Variants in INCA1 observed in about 807,000 individuals in gnomAD.
The protein encoded by INCA1 is inhibitor of CDK, cyclin A1 interacting protein 1, also known as protein INCA1.
INCA1 carries 28 observed loss-of-function variants against 25.7 expected under a neutral mutation model. That is an observed-to-expected ratio of 1.09 (90% CI 0.81 to 1.49). INCA1 has a LOEUF of 1.49. Among genes scored for constraint, INCA1 ranks in the 40% most tolerant of loss-of-function variants. INCA1 has a pLI of 0.00. For missense variants in INCA1, 309 were observed against 290.9 expected (o/e 1.06, Z -0.45); for synonymous variants, 111 against 103.6 (o/e 1.07, Z -0.43).
Position 4,988,435 on chromosome 17 carries a change from C to T in INCA1, c.681G>A (p.Trp227Ter). The T allele has an allele frequency of 6.2e-7, 1 of 1,612,402 alleles. No homozygotes were observed. The highest frequency in any genetic ancestry group is 8.5e-7 in the Non-Finnish European group (1 of 1,179,334). Residue 227 changes from tryptophan to a stop codon, truncating the protein, a stop_gained, in exon 7 of 7, where the codon TGG (tryptophan) becomes TGA (stop). Coordinates refer to ENST00000576820, the Ensembl canonical transcript of INCA1. LOFTEE classifies it high-confidence loss of function. ...CTTCAGACGCTGCCAACTCCATCCCCCAGGGATTGTGAAGGGGGTTCCTTC... is the reference window on the plus strand; with the variant it reads ...CTTCAGACGCTGCCAACTCCATCCCTCAGGGATTGTGAAGGGGGTTCCTTC...
At chr17:4,989,586 A>G in exon 5 of INCA1, 1 of 1,614,198 alleles carries the variant, frequency 6.2e-7, no homozygotes, top group South Asian at 1.1e-5. Flanking sequence ...GGAGCTGCTC[A>G]GGAGGATACA....
At chr17:4,989,667 GCT>G (rs1567708098) in intron 4 of INCA1, 43 bp from the exon 5 acceptor site, 2 of 1,605,094 alleles carry the variant, frequency 1.2e-6, no homozygotes, top group Non-Finnish European at 1.7e-6. Context: ...AGAAGAACTG[GCT>G]CTCTCAAGGG....
At chr17:4,993,692 T>C (rs1435187137) in intron 2 of INCA1, among the ~76,000 whole-genome samples, 1 of 151,332 alleles carries the variant, frequency 6.6e-6, no homozygotes, top group Non-Finnish European at 1.5e-5. Context: ...ATGGTCTTGA[T>C]CTCCTGACCT....
intron 2 of INCA1, among the ~76,000 whole-genome samples, chr17:4,991,864 G>A (rs184419500): frequency 9.9e-5 from 15 of 152,160 alleles, no homozygotes; most frequent in Non-Finnish European, 2.1e-4. Flanking sequence ...CTAAAATACT[G>A]TGTACCTGAA....
chr17:4,990,260 G>A, exon 3 of INCA1: 1 of 1,613,228 alleles, frequency 6.2e-7, no homozygotes, highest in Non-Finnish European at 8.5e-7. Flanking sequence ...GACCACCCTG[G>A]AACACCTGAG....
chr17:4,988,820 G>A, exon 6 of INCA1: 1 of 1,614,206 alleles, frequency 6.2e-7, no homozygotes, highest in Admixed American at 1.7e-5. Context: ...TCTTCCTGTG[G>A]ATAGGTTGCT....
chr17:4,994,282 C>G (rs2143237485), intron 2 of INCA1, 112 bp downstream of exon 2: 3 of 931,256 alleles, frequency 3.2e-6, no homozygotes, highest in South Asian at 1.4e-5. Context: ...TCCCCTGAGA[C>G]CAGGCATTGC....
intron 1 of INCA1, among the ~76,000 whole-genome samples, chr17:4,994,789 C>CAAAAAA (rs34186821): frequency 1.4e-5 from 1 of 70,822 alleles, no homozygotes; most frequent in Non-Finnish European, 2.5e-5. Flanking sequence ...GACTCTGTCT[C>CAAAAAA]AAAAAAAAAA....
chr17:4,989,841 G>T (rs746235498), intron 4 of INCA1, 49 bp downstream of exon 4: 2 of 1,613,710 alleles, frequency 1.2e-6, no homozygotes, highest in Non-Finnish European at 8.5e-7. Flanking sequence ...GGACAGCAGT[G>T]GGTGCAATTT....
rs747938932 is a variant in INCA1 at position 4,988,390 on chromosome 17, A to ATC, written c.*13_*14dup. On this transcript the variant is annotated 3_prime_UTR_variant, in exon 7 of 7. Coordinates refer to ENST00000576820, the Ensembl canonical transcript of INCA1. ...CCTGGGGCACCACTAGCCTCTCGGC[A>ATC]TCGGTGGTTTCTCCTTACTCTTCAG... is the stretch of plus-strand genomic sequence containing the variant. 6.9e-6 allele frequency: 11 copies of ATC among 1,583,798 alleles called. No homozygotes were observed. In the Admixed American group the frequency reaches 2.1e-4, roughly 30 times the overall value.
intron 2 of INCA1, among the ~76,000 whole-genome samples, chr17:4,992,538 C>G (rs916469560): frequency 2.3e-4 from 35 of 152,174 alleles, no homozygotes; most frequent in African/African-American, 8.0e-4. Context: ...CCCACCTTGG[C>G]CTCCCAAAGT....
At chr17:4,995,806 C>G (rs1442366165) in intron 1 of INCA1, 1 of 152,240 alleles carries the variant, frequency 6.6e-6, no homozygotes, top group Non-Finnish European at 1.5e-5. Flanking sequence ...TGGCACATGC[C>G]TGTAATCCCA....
At chr17:4,988,223 GC>G in exon 7 of INCA1, 1 of 564,180 alleles carries the variant, frequency 1.8e-6, no homozygotes, top group Non-Finnish European at 3.0e-6. Context: ...TCCTGTGAGA[GC>G]GGTGGGTTGA....
intron 3 of INCA1, 104 bp from the exon 4 acceptor site, chr17:4,990,033 A>G (rs1177962187): frequency 2.5e-6 from 4 of 1,612,142 alleles, no homozygotes; most frequent in Non-Finnish European, 2.5e-6. Flanking sequence ...TAGGAGCTAC[A>G]ATGTCCACCA....
At chr17:4,995,534 C>T (rs1489617996) in intron 1 of INCA1, among the ~76,000 whole-genome samples, 1 of 152,098 alleles carries the variant, frequency 6.6e-6, no homozygotes. Context: ...GTGGCTCACA[C>T]CTGTAATCCC....
chr17:4,996,215 T>C (rs1434553836), intron 1 of INCA1, among the ~76,000 whole-genome samples: 1 of 151,794 alleles, frequency 6.6e-6, no homozygotes, highest in Non-Finnish European at 1.5e-5. Flanking sequence ...CGAAACCCCC[T>C]CTTTACCAAA....
At chr17:4,996,773 G>A (rs966574195) in intron 1 of INCA1, 1 of 152,376 alleles carries the variant, frequency 6.6e-6, no homozygotes, top group Non-Finnish European at 1.5e-5. Context: ...AGGTGAACTA[G>A]TATTTATCCA....
At chr17:4,994,454 GTAGT>G (rs1974093068) in exon 2 of INCA1, 4 of 1,613,216 alleles carry the variant, frequency 2.5e-6, no homozygotes, top group South Asian at 1.1e-5. Flanking sequence ...ACGGGGCTGG[GTAGT>G]TAGTCTCCTT....
At chr17:4,989,868 A>T (rs1421100318) in intron 4 of INCA1, 22 bp downstream of exon 4, 1 of 1,614,178 alleles carries the variant, frequency 6.2e-7, no homozygotes, top group Non-Finnish European at 8.5e-7. Context: ...AGAAATGTTA[A>T]ACGGCAGAGG....
Sources: gnomAD v4.1 joint callset for allele counts (sites outside exome capture counted in the v4.1 genomes callset) on GRCh38, gnomAD v4.1.1 for gene constraint, MANE v1.5 for transcripts, NCBI Gene and HGNC (gene_info 2026-07-23, HGNC 2026-07-21) for gene names.